The following MON2 variants were observed in gnomAD, a reference collection of about 807,000 sequenced individuals.
MON2 encodes MON2 regulator of endosome-to-Golgi trafficking, also known as protein MON2 homolog.
A neutral mutation model predicts 208.6 loss-of-function variants in MON2; 84 were observed. That is an observed-to-expected ratio of 0.40 (90% CI 0.34 to 0.48). The LOEUF (loss-of-function observed/expected upper bound fraction) is 0.48. MON2 is among the 20% of genes least tolerant of loss of function. The pLI is 0.59. For synonymous variants in MON2, 660 were observed against 694.0 expected (o/e 0.95, Z 0.77); for missense variants, 1,611 against 2,015.4 (o/e 0.80, Z 3.84).
intron 12 of MON2, among the ~76,000 whole-genome samples, chr12:62,534,167 G>T (rs2072791418): frequency 6.6e-6 from 1 of 151,792 alleles, no homozygotes; most frequent in South Asian, 2.1e-4. Context: ...GAGGCAGGAG[G>T]ATTGCTTGTG....
At chr12:62,568,270 C>A (rs2074456400) in intron 29 of MON2, among the ~76,000 whole-genome samples, 1 of 152,180 alleles carries the variant, frequency 6.6e-6, no homozygotes, top group Non-Finnish European at 1.5e-5. Flanking sequence ...TCTAAGCCAT[C>A]ATAAGATCAG....
intron 8 of MON2, among the ~76,000 whole-genome samples, chr12:62,519,651 A>G (rs2071901472): frequency 6.6e-6 from 1 of 152,202 alleles, no homozygotes; most frequent in South Asian, 2.1e-4. Context: ...GGATTCTCAT[A>G]TCTTTTGTCT....
At chr12:62,544,046 A>T (rs1468037290) in intron 20 of MON2, among the ~76,000 whole-genome samples, 2 of 152,230 alleles carry the variant, frequency 1.3e-5, no homozygotes, top group African/African-American at 4.8e-5. Flanking sequence ...GTTCCTGCTT[A>T]AAAACAAGCT....
chr12:62,567,635 C>T (rs2074433664), intron 29 of MON2, among the ~76,000 whole-genome samples: 1 of 152,228 alleles, frequency 6.6e-6, no homozygotes, highest in Non-Finnish European at 1.5e-5. Flanking sequence ...TTTCTCTCCT[C>T]ACTGCTTACC....
intron 4 of MON2, among the ~76,000 whole-genome samples, chr12:62,497,894 G>A (rs1262879885): frequency 6.6e-6 from 1 of 152,074 alleles, no homozygotes; most frequent in East Asian, 1.9e-4. Flanking sequence ...GGGTTTACAG[G>A]CGTGAGCCAC....
intron 33 of MON2, 162 bp from the exon 34 acceptor site, chr12:62,587,911 TG>T (rs2075270513): frequency 1.9e-6 from 1 of 521,162 alleles, no homozygotes; most frequent in Non-Finnish European, 3.4e-6. Context: ...ATAAATAAAA[TG>T]ATTTTTACTT....
chr12:62,524,725 C>A, intron 9 of MON2, 86 bp downstream of exon 9: 2 of 1,292,988 alleles, frequency 1.5e-6, no homozygotes, highest in Non-Finnish European at 2.1e-6. Context: ...ATAAACTAGT[C>A]AGAAGACTTT....
At chr12:62,541,957 A>T (rs1398487101) in intron 19 of MON2, among the ~76,000 whole-genome samples, 3 of 152,184 alleles carry the variant, frequency 2.0e-5, no homozygotes. Flanking sequence ...CTATATTATT[A>T]TTATCTTCAT....
At chr12:62,493,268 T>C (rs2070281117) in intron 2 of MON2, among the ~76,000 whole-genome samples, 1 of 152,190 alleles carries the variant, frequency 6.6e-6, no homozygotes, top group Admixed American at 6.5e-5. Flanking sequence ...CCTCTTACAT[T>C]TTTATTGCCA....
At chr12:62,546,340 G>T (rs2073481506) in intron 21 of MON2, among the ~76,000 whole-genome samples, 1 of 152,004 alleles carries the variant, frequency 6.6e-6, no homozygotes, top group Admixed American at 6.6e-5. Flanking sequence ...TTTAAAGTAA[G>T]ATAACTACCC....
rs1466130325 is a variant in MON2, at chr12:62,578,435, T to C, written c.4515-10T>C. ...TTTATCTTTAAAAATCAAGTGTTTT[T>C]TTTTTTTAGCATACCTCCAGATAAT... On this transcript the variant is annotated splice_polypyrimidine_tract_variant and intron_variant, in intron 30 of 34. Transcript: ENST00000393630. 7.1e-7 allele frequency: 1 copy of C among 1,412,930 alleles called. No homozygotes were observed. The allele number at this position is 1,412,930 out of a possible 1,614,324, so 87.5% of individuals were successfully genotyped here.
chr12:62,546,922 C>T lies in MON2; in HGVS notation c.2603C>T (p.Pro868Leu), dbSNP rs370714902. 7 of 1,610,426 alleles carry T rather than the reference C, an allele frequency of 4.3e-6. No homozygotes were observed. The highest frequency in any genetic ancestry group is 1.3e-5 in the African/African-American group (1 of 74,624). ...AGGCTGCAGTTGCTTTTATTGAACC[C>T]GTTAAAGGAGATGTCCAATATTAAT... is the stretch of plus-strand genomic sequence containing the variant. ...NQRLQLLLLNPLKEMSNINHP... is the reference protein window; with the variant it reads ...NQRLQLLLLNLLKEMSNINHP... The change falls in exon 22 of 35, where the codon CCG (proline) becomes CTG (leucine). Residue 868 changes from proline (P) to leucine (L), a missense_variant. Pro to Leu is a moderately conservative substitution (Grantham distance 98, BLOSUM62 -3). Transcript: ENST00000393630.
chr12:62,487,089 G>A (rs2069842879), intron 2 of MON2, among the ~76,000 whole-genome samples: 1 of 152,030 alleles, frequency 6.6e-6, no homozygotes, highest in African/African-American at 2.4e-5. Context: ...CTGCTGTCAT[G>A]AATGCTGACA....
intron 26 of MON2, among the ~76,000 whole-genome samples, chr12:62,562,121 G>A (rs1457457769): frequency 2.0e-5 from 3 of 152,080 alleles, no homozygotes; most frequent in East Asian, 1.9e-4. Flanking sequence ...GGGAAGAAAA[G>A]TAATTACCCA....
intron 2 of MON2, among the ~76,000 whole-genome samples, chr12:62,492,618 G>T (rs182230201): frequency 0.032 from 4,768 of 146,920 alleles, 270 homozygotes; most frequent in African/African-American, 0.11. Flanking sequence ...TGATCCACCC[G>T]CCTCGGCCTC....
At chr12:62,574,515 T>C (rs2074708898) in intron 30 of MON2, among the ~76,000 whole-genome samples, 1 of 152,178 alleles carries the variant, frequency 6.6e-6, no homozygotes, top group Non-Finnish European at 1.5e-5. Context: ...TAGCTCGGAC[T>C]ATAGGCATGC....
intron 8 of MON2, among the ~76,000 whole-genome samples, chr12:62,520,145 G>T (rs542680247): frequency 5.5e-4 from 83 of 152,266 alleles, no homozygotes; most frequent in African/African-American, 1.9e-3. Flanking sequence ...GATCTGAAAC[G>T]TTTTTATACT....
At chr12:62,526,989 G>A (rs2072364907) in intron 11 of MON2, among the ~76,000 whole-genome samples, 1 of 151,958 alleles carries the variant, frequency 6.6e-6, no homozygotes, top group Non-Finnish European at 1.5e-5. Context: ...TAGCTGGAAT[G>A]GTGGTGTGCA....
At chr12:62,524,036 C>T (rs1248488036) in intron 8 of MON2, among the ~76,000 whole-genome samples, 1 of 152,092 alleles carries the variant, frequency 6.6e-6, no homozygotes, top group Non-Finnish European at 1.5e-5. Flanking sequence ...TTACATCTGT[C>T]AACTGCTATA....
Sources: allele counts gnomAD v4.1 joint callset (sites outside exome capture counted in the v4.1 genomes callset), GRCh38; gene constraint gnomAD v4.1.1; transcripts MANE v1.5; gene names NCBI Gene and HGNC (gene_info 2026-07-23, HGNC 2026-07-21).